Variants in LRP5 observed in about 807,000 individuals in gnomAD.
LRP5 encodes low-density lipoprotein receptor-related protein 5.
Under a neutral mutation model 154.1 loss-of-function variants are expected in LRP5, and 62 were observed. The ratio of observed to expected loss-of-function variants is 0.40; its 90% CI spans 0.33 to 0.50. The LOEUF (loss-of-function observed/expected upper bound fraction) is 0.50. LRP5 is among the 20% of genes least tolerant of loss of function. The pLI is 0.55. For synonymous variants in LRP5, 966 were observed against 1,011.5 expected (o/e 0.96, Z 0.85); for missense variants, 1,915 against 2,336.7 (o/e 0.82, Z 3.72).
intron 2 of LRP5, among the ~76,000 whole-genome samples, chr11:68,355,160 G>A (rs1207687450): frequency 6.6e-6 from 1 of 152,190 alleles, no homozygotes; most frequent in Non-Finnish European, 1.5e-5. Context: ...GAGCACCATG[G>A]TGGGGGAGGA....
At chr11:68,416,706 G>A (rs913527917) in intron 13 of LRP5, among the ~76,000 whole-genome samples, 179 bp downstream of exon 13, 2 of 152,164 alleles carry the variant, frequency 1.3e-5, no homozygotes, top group Non-Finnish European at 2.9e-5. Flanking sequence ...GTGGAACCCC[G>A]AGACTGTGAT....
intron 2 of LRP5, among the ~76,000 whole-genome samples, chr11:68,356,647 G>T (rs1339389788): frequency 2.0e-5 from 3 of 152,170 alleles, no homozygotes; most frequent in Non-Finnish European, 4.4e-5. Context: ...ACGTTTACAC[G>T]AGGGTTCGCC....
chr11:68,319,072 GTTTTTTTTTT>G (rs59893808), intron 1 of LRP5, among the ~76,000 whole-genome samples: 4 of 92,248 alleles, frequency 4.3e-5, no homozygotes, highest in African/African-American at 1.6e-4. Flanking sequence ...CTGGCTCCTT[GTTTTTTTTTT>G]TTTTTTTTTT....
chr11:68,381,812 C>T (rs76380214), intron 5 of LRP5, among the ~76,000 whole-genome samples: 4,178 of 152,318 alleles, frequency 0.027, 85 homozygotes, highest in Non-Finnish European at 0.041. Context: ...CTGCACCTGC[C>T]CCTCCCAACC....
At chr11:68,448,671 G>A (rs1035920075) in intron 22 of LRP5, 138 bp from the exon 23 acceptor site, 2 of 1,033,092 alleles carry the variant, frequency 1.9e-6, no homozygotes, top group Non-Finnish European at 2.9e-6. Context: ...GACACAGCGG[G>A]GTGGGTCCAG....
chr11:68,414,541 G>T (rs1019886140), intron 12 of LRP5, among the ~76,000 whole-genome samples: 3 of 152,144 alleles, frequency 2.0e-5, no homozygotes, highest in African/African-American at 7.2e-5. Context: ...GGGAATTTTT[G>T]CCCTGACCCT....
intron 7 of LRP5, among the ~76,000 whole-genome samples, chr11:68,402,671 G>A (rs563399055): frequency 6.6e-5 from 10 of 152,288 alleles, no homozygotes; most frequent in African/African-American, 2.4e-4. Context: ...CCCAGGTCCT[G>A]CAGTTGCTCT....
intron 13 of LRP5, among the ~76,000 whole-genome samples, chr11:68,418,307 A>G (rs1011756954): frequency 3.3e-5 from 5 of 151,962 alleles, no homozygotes; most frequent in African/African-American, 1.2e-4. Flanking sequence ...CGGGAGGCTG[A>G]GGCAGAATTG....
At chr11:68,340,933 G>T (rs555376670) in intron 1 of LRP5, among the ~76,000 whole-genome samples, 1 of 152,054 alleles carries the variant, frequency 6.6e-6, no homozygotes. Context: ...GTTATGCTGG[G>T]TGTGTGGTTT....
intron 9 of LRP5, among the ~76,000 whole-genome samples, chr11:68,408,266 T>C (rs929919363): frequency 7.3e-6 from 1 of 137,686 alleles, no homozygotes; most frequent in African/African-American, 2.7e-5. Flanking sequence ...TTTTTTTTTT[T>C]TGGGGAGACA....
intron 13 of LRP5, among the ~76,000 whole-genome samples, chr11:68,421,156 G>C (rs1449041170): frequency 6.6e-6 from 1 of 152,160 alleles, no homozygotes; most frequent in East Asian, 1.9e-4. Flanking sequence ...GAACCCGGGA[G>C]GCGGAGCTTG....
chr11:68,344,726 C>A (rs2098611313), intron 1 of LRP5, among the ~76,000 whole-genome samples: 1 of 152,036 alleles, frequency 6.6e-6, no homozygotes, highest in African/African-American at 2.4e-5. Context: ...AATGAATTTG[C>A]CTACCGTAAG....
chr11:68,345,824 A>G (rs775939251), intron 1 of LRP5, among the ~76,000 whole-genome samples: 7 of 152,168 alleles, frequency 4.6e-5, no homozygotes, highest in Non-Finnish European at 8.8e-5. Flanking sequence ...GATCCTCACC[A>G]ACACTTGCTA....
In LRP5 at chr11:68,438,620, G is replaced by C. The variant is rs763129542; in HGVS notation, c.4286G>C (p.Gly1429Ala). ...CCCTTCCCGCACGAGTATGTCAGCG[G>C]GACCCCGCACGTGCCCCTCAATTTC... ...NGPFPHEYVS[G>A]TPHVPLNFIA... Residue 1429 changes from glycine (G) to alanine (A), a missense_variant, in exon 20 of 23, where the codon GGG becomes GCG. Gly to Ala is a moderately conservative substitution (Grantham distance 60, BLOSUM62 0). Coordinates refer to ENST00000294304, the MANE Select transcript of LRP5 (RefSeq NM_002335.4). 24 of 1,613,628 alleles carry C rather than the reference G, an allele frequency of 1.5e-5. No individual in the cohort carries two copies. The highest frequency in any genetic ancestry group is 1.9e-5 in the Non-Finnish European group (22 of 1,179,950).
intron 1 of LRP5, among the ~76,000 whole-genome samples, chr11:68,326,156 G>A (rs1172254011): frequency 1.3e-5 from 2 of 152,204 alleles, no homozygotes; most frequent in South Asian, 2.1e-4. Context: ...GGTGGGATGG[G>A]GTCAGGTGGG....
chr11:68,338,098 T>C (rs914199910), intron 1 of LRP5, among the ~76,000 whole-genome samples: 1 of 152,236 alleles, frequency 6.6e-6, no homozygotes, highest in Non-Finnish European at 1.5e-5. Flanking sequence ...TGATGTCTTC[T>C]GTTTCTCTGT....
At chr11:68,405,163 A>G (rs1211714031) in intron 8 of LRP5, among the ~76,000 whole-genome samples, 1 of 144,868 alleles carries the variant, frequency 6.9e-6, no homozygotes, top group African/African-American at 2.5e-5. Context: ...TCTCAAAAAG[A>G]AAAAAAAAAA....
chr11:68,423,237 CG>C lies in LRP5; in HGVS notation c.3028-249del, dbSNP rs1274041452. Among the ~76,000 whole-genome samples, 1 of 152,160 alleles carries C rather than the reference CG, an allele frequency of 6.6e-6. No individual in the cohort carries two copies. Among genetic ancestry groups the C allele is most frequent in the Non-Finnish European group, 1.5e-5 (1 of 68,022 alleles). On this transcript the variant is annotated intron_variant, in intron 13 of 22. Coordinates refer to ENST00000294304, the MANE Select transcript of LRP5 (RefSeq NM_002335.4). The surrounding 1 kb of genome is among the most constrained non-coding windows in gnomAD (Gnocchi z 4.7). ...TCCTAATCGCTCTGGCATACTCAGG[CG>C]GGCACGTAGTTAGGAGCTGATTGGA...
intron 3 of LRP5, among the ~76,000 whole-genome samples, chr11:68,361,595 C>T (rs1041299718): frequency 1.3e-5 from 2 of 152,040 alleles, no homozygotes; most frequent in Non-Finnish European, 2.9e-5. Context: ...TGAGATGGCA[C>T]CACTGCACTC....
Sources: gnomAD v4.1 joint callset for allele counts (sites outside exome capture counted in the v4.1 genomes callset) on GRCh38, gnomAD v4.1.1 for gene constraint, Gnocchi (gnomAD v3.1) non-coding constraint, MANE v1.5 for transcripts, NCBI Gene and HGNC (gene_info 2026-07-23, HGNC 2026-07-21) for gene names.